The following FBXL20 variants were observed in gnomAD, a reference collection of about 807,000 sequenced individuals.
FBXL20 encodes the protein F-box and leucine rich repeat protein 20.
A neutral mutation model predicts 64.0 loss-of-function variants in FBXL20; 11 were observed. That is an observed-to-expected ratio of 0.17 (90% CI 0.11 to 0.28). FBXL20 has a LOEUF of 0.28. FBXL20 is among the 10% of genes least tolerant of loss of function. The pLI is 1.00. For synonymous variants in FBXL20, 184 were observed against 189.0 expected, an observed-to-expected ratio of 0.97 and a Z score of 0.22; for missense variants, 303 against 526.2, an observed-to-expected ratio of 0.58 and a Z score of 4.15.
At chr17:39,361,765 C>T (rs190410464) in intron 1 of FBXL20, among the ~76,000 whole-genome samples, 207 of 151,718 alleles carry the variant, frequency 1.4e-3, no homozygotes, top group African/African-American at 4.7e-3. Flanking sequence ...CCACTGCACT[C>T]CAGCCTTAGC....
chr17:39,312,824 C>T (rs1432969078), intron 2 of FBXL20, among the ~76,000 whole-genome samples: 1 of 151,254 alleles, frequency 6.6e-6, no homozygotes, highest in Non-Finnish European at 1.5e-5. Flanking sequence ...GATCCGCCTG[C>T]CTCAGCCTCC....
chr17:39,305,146 G>C (rs2047170576), intron 2 of FBXL20, among the ~76,000 whole-genome samples: 2 of 151,852 alleles, frequency 1.3e-5, no homozygotes, highest in South Asian at 4.1e-4. Context: ...AATGAAAAAT[G>C]TTAAATGTCT....
intron 2 of FBXL20, among the ~76,000 whole-genome samples, chr17:39,339,810 AT>A (rs946401563): frequency 6.8e-6 from 1 of 147,410 alleles, no homozygotes; most frequent in Non-Finnish European, 1.5e-5. Flanking sequence ...CACCTGGCTA[AT>A]TTTTTTTTTG....
At chr17:39,376,069 T>A (rs2047964189) in intron 1 of FBXL20, among the ~76,000 whole-genome samples, 1 of 152,000 alleles carries the variant, frequency 6.6e-6, no homozygotes, top group South Asian at 2.1e-4. Flanking sequence ...CAATGAGCCG[T>A]GATTGCACCA....
chr17:39,295,784 G>GATATATATAT lies in FBXL20; in HGVS notation c.398+1333_398+1342dup, dbSNP rs10568875. ...CTTTTTGAAAATATGCAAATATGGA[G>GATATATATAT]ATATATATATATATATATATATTAA... On this transcript the variant is annotated intron_variant, in intron 6 of 14. Coordinates refer to ENST00000264658, the MANE Select transcript of FBXL20 (RefSeq NM_032875.3). Among the ~76,000 whole-genome samples, 54 of 137,096 alleles carry GATATATATAT rather than the reference G, an allele frequency of 3.9e-4. 1 individual carries two copies. The highest frequency in any genetic ancestry group is 7.4e-4 in the Admixed American group (10 of 13,596). The allele number at this position is 137,096 out of a possible 152,430, so 89.9% of individuals were successfully genotyped here. A position where few individuals can be genotyped will look rare whatever the true frequency, so the allele number is the denominator to read the frequency against.
chr17:39,340,199 C>T (rs576447246), intron 2 of FBXL20, among the ~76,000 whole-genome samples: 24 of 152,096 alleles, frequency 1.6e-4, no homozygotes, highest in African/African-American at 4.8e-4. Context: ...CGGGTTCAAG[C>T]GATTCTCCTG....
intron 1 of FBXL20, among the ~76,000 whole-genome samples, chr17:39,393,547 T>C (rs2048155189): frequency 6.6e-6 from 1 of 152,188 alleles, no homozygotes; most frequent in Admixed American, 6.5e-5. Flanking sequence ...CTCACTTACA[T>C]GGAATTGGAT....
At chr17:39,290,533 G>A (rs2047028404) in intron 6 of FBXL20, among the ~76,000 whole-genome samples, 1 of 152,054 alleles carries the variant, frequency 6.6e-6, no homozygotes, top group Non-Finnish European at 1.5e-5. Context: ...ATATATACTT[G>A]ATCAGGTTGA....
At chr17:39,324,020 C>G (rs8082430) in intron 2 of FBXL20, among the ~76,000 whole-genome samples, 1 of 139,476 alleles carries the variant, frequency 7.2e-6, no homozygotes, top group Admixed American at 6.9e-5. Flanking sequence ...CCCCTCCCCC[C>G]CCCACCCCCT....
At chr17:39,273,104 A>C (rs2046861110) in intron 10 of FBXL20, among the ~76,000 whole-genome samples, 1 of 151,936 alleles carries the variant, frequency 6.6e-6, no homozygotes, top group Non-Finnish European at 1.5e-5. Context: ...TGCAACTTCC[A>C]CCTCCTGGGT....
chr17:39,290,480 A>C (rs2047027980), intron 6 of FBXL20, among the ~76,000 whole-genome samples: 1 of 152,164 alleles, frequency 6.6e-6, no homozygotes, highest in Non-Finnish European at 1.5e-5. Flanking sequence ...TGATCTCAGG[A>C]AGTCTTTCAC....
At chr17:39,321,598 T>C (rs546440465) in intron 2 of FBXL20, among the ~76,000 whole-genome samples, 1 of 151,110 alleles carries the variant, frequency 6.6e-6, no homozygotes, top group South Asian at 2.1e-4. Flanking sequence ...GCCAACATGG[T>C]AAAACCTCAT....
chr17:39,263,948 G>T, intron 14 of FBXL20: 1 of 511,942 alleles, frequency 2.0e-6, no homozygotes, highest in East Asian at 3.2e-5. Context: ...CTGCTGGGAG[G>T]AGACCTACTT....
chr17:39,292,329 AT>A (rs149666105), intron 6 of FBXL20, among the ~76,000 whole-genome samples: 2,628 of 150,220 alleles, frequency 0.017, 264 homozygotes, highest in African/African-American at 0.062. Context: ...TTTTAGTTTC[AT>A]TTTTTTAAAT....
At chr17:39,376,924 A>T (rs1255604107) in intron 1 of FBXL20, among the ~76,000 whole-genome samples, 2 of 152,134 alleles carry the variant, frequency 1.3e-5, no homozygotes, top group Non-Finnish European at 2.9e-5. Flanking sequence ...AACCGACTCC[A>T]CCTTGCTTCT....
Position 39,317,526 on chromosome 17 carries a change from G to A in FBXL20, c.105-13887C>T, listed in dbSNP as rs116763426. ...ATTACAGGCGTGATCCACCGTGTCC[G>A]ACCAAGGTGCTTATTAAAATGTACA... On this transcript the variant is annotated intron_variant, in intron 2 of 14. Transcript: ENST00000264658. Among the ~76,000 whole-genome samples the A allele has an allele frequency of 8.8e-3, 1,333 of 151,788 alleles. 19 individuals carry two copies. The highest frequency in any genetic ancestry group is 0.029 in the African/African-American group (1,192 of 41,390).
upstream of FBXL20, chr17:39,402,227 C>T (rs2048255108): frequency 4.1e-6 from 5 of 1,232,128 alleles, no homozygotes; most frequent in Non-Finnish European, 5.1e-6. Flanking sequence ...CCATTTTCCT[C>T]CTCTTCTGGA....
At chr17:39,312,052 T>A (rs75619512) in intron 2 of FBXL20, among the ~76,000 whole-genome samples, 7 of 152,138 alleles carry the variant, frequency 4.6e-5, no homozygotes, top group African/African-American at 1.7e-4. Flanking sequence ...TTCACTTGGA[T>A]TTGAACGTTT....
chr17:39,344,351 CAAA>C (rs143333496), intron 1 of FBXL20, among the ~76,000 whole-genome samples: 6 of 97,102 alleles, frequency 6.2e-5, no homozygotes, highest in Admixed American at 2.0e-4. Context: ...AACCCCTCTC[CAAA>C]AAAAAAAAAA....
Sources: allele counts gnomAD v4.1 joint callset (sites outside exome capture counted in the v4.1 genomes callset), GRCh38; gene constraint gnomAD v4.1.1; transcripts MANE v1.5; gene names NCBI Gene and HGNC (gene_info 2026-07-23, HGNC 2026-07-21).